The following PURG variants were observed in gnomAD, a reference collection of about 807,000 sequenced individuals.
The protein encoded by PURG is purine-rich element-binding protein gamma.
In PURG, 3 loss-of-function variants were observed where a neutral mutation model predicts 24.3. The ratio of observed to expected loss-of-function variants is 0.12; its 90% CI spans 0.06 to 0.32. PURG has a LOEUF of 0.32. PURG is among the 10% of genes least tolerant of loss of function. The pLI is 1.00. For synonymous variants in PURG, 180 were observed against 173.1 expected, an observed-to-expected ratio of 1.04 and a Z score of -0.31; for missense variants, 371 against 439.1, an observed-to-expected ratio of 0.84 and a Z score of 1.39.
chr8:31,008,130 T>C (rs1383320784), intron 1 of PURG, among the ~76,000 whole-genome samples: 2 of 152,204 alleles, frequency 1.3e-5, no homozygotes, highest in Non-Finnish European at 2.9e-5. Flanking sequence ...CACCTAAAGG[T>C]TCCTATGGTA....
chr8:31,006,836 C>A (rs1810662210), intron 1 of PURG, among the ~76,000 whole-genome samples: 1 of 152,144 alleles, frequency 6.6e-6, no homozygotes, highest in South Asian at 2.1e-4. Flanking sequence ...CCATTTCTTA[C>A]CTCACACAGT....
intron 1 of PURG, among the ~76,000 whole-genome samples, chr8:30,997,530 T>A (rs1453023564): frequency 1.3e-5 from 2 of 151,750 alleles, no homozygotes; most frequent in African/African-American, 4.8e-5. Context: ...ATGATCAGAC[T>A]GTCTATGAAA....
intron 1 of PURG, among the ~76,000 whole-genome samples, chr8:31,013,546 G>A (rs962366560): frequency 1.1e-4 from 16 of 152,064 alleles, no homozygotes; most frequent in Admixed American, 2.0e-4. Context: ...AGACTAGCCC[G>A]GCCAACATGG....
chr8:31,027,022 T>C (rs79798786), downstream of PURG, among the ~76,000 whole-genome samples: 1,781 of 151,790 alleles, frequency 0.012, 36 homozygotes, highest in African/African-American at 0.041. Flanking sequence ...AAAACACATT[T>C]TCCCTGAACT....
chr8:30,996,384 C>A, exon 2 of PURG: 1 of 377,882 alleles, frequency 2.6e-6, no homozygotes, highest in Non-Finnish European at 4.8e-6. Context: ...AAACAAAACC[C>A]AAAAACTGGA....
chr8:31,012,861 ATAG>A (rs534240518), intron 1 of PURG, among the ~76,000 whole-genome samples: 17 of 152,378 alleles, frequency 1.1e-4, no homozygotes, highest in Admixed American at 1.1e-3. Context: ...AATGATTGAA[ATAG>A]TAGTCCAAAT....
At chr8:31,022,761 C>T (rs1057492428) in intron 1 of PURG, among the ~76,000 whole-genome samples, 6 of 152,180 alleles carry the variant, frequency 3.9e-5, no homozygotes, top group African/African-American at 1.4e-4. Flanking sequence ...AGATTTTGTT[C>T]TATTGACATT....
chr8:31,013,700 G>C (rs1323749959), intron 1 of PURG, among the ~76,000 whole-genome samples: 1 of 152,202 alleles, frequency 6.6e-6, no homozygotes, highest in Non-Finnish European at 1.5e-5. Context: ...TCGCGCCACT[G>C]CACTCCAGCC....
chr8:31,021,839 A>T (rs544134719), intron 1 of PURG, among the ~76,000 whole-genome samples: 1 of 152,308 alleles, frequency 6.6e-6, no homozygotes, highest in South Asian at 2.1e-4. Flanking sequence ...AGCTATGTCT[A>T]GTATACAGTG....
At chr8:31,001,596 A>C (rs1377950614) in intron 1 of PURG, among the ~76,000 whole-genome samples, 3 of 152,196 alleles carry the variant, frequency 2.0e-5, no homozygotes, top group Non-Finnish European at 4.4e-5. Context: ...ATCCAGACCC[A>C]GAGAAATGGT....
chr8:31,011,176 T>C (rs1810757023), intron 1 of PURG, among the ~76,000 whole-genome samples: 1 of 152,180 alleles, frequency 6.6e-6, no homozygotes, highest in South Asian at 2.1e-4. Context: ...GAAATAAAAT[T>C]AGTGATGATG....
chr8:31,032,209 G>A lies in PURG; in HGVS notation c.574C>T (p.Arg192Trp). 6.2e-7 allele frequency: 1 copy of A among 1,614,164 alleles called. No individual in the cohort carries two copies. The highest frequency in any genetic ancestry group is 8.5e-7 in the Non-Finnish European group (1 of 1,180,022). The change falls in exon 2 of 2, where the codon CGG becomes TGG. Residue 192 changes from arginine (R) to tryptophan (W), a missense_variant. By Grantham distance (101) the Arg-to-Trp change is moderately radical (BLOSUM62 -3). Around this residue, in one of 5 missense-constraint regions of PURG, gnomAD observed 9 missense variants for 27.0 expected, o/e 0.33. Transcript: ENST00000523392. The surrounding 1 kb of genome is among the most constrained non-coding windows in gnomAD (Gnocchi z 5.9). ...KYYLDLKENQ[R>W]GRFLRIRQTM... is the part of the protein sequence containing the mutation. ...TGTCTAATCCGTAGGAAGCGACCCC[G>A]CTGATTTTCCTTTAGGTCTAGGTAA...
At chr8:30,999,926 A>G (rs945125165) in intron 1 of PURG, among the ~76,000 whole-genome samples, 9 of 151,970 alleles carry the variant, frequency 5.9e-5, no homozygotes, top group African/African-American at 2.2e-4. Context: ...GGCGAATTTT[A>G]GTAATACTCT....
Position 31,016,581 on chromosome 8 carries a change from C to CAAAAAAAAAAAAAAAAAAA in PURG, c.864+15319_864+15337dup, listed in dbSNP as rs11433207. On this transcript the variant is annotated intron_variant, in intron 1 of 1. Coordinates refer to the PURG transcript ENST00000339382. ...GAAAGAATGCAAGTCTACCAAGAAC[C>CAAAAAAAAAAAAAAAAAAA]AAAAAAAAAAAAAAAAAAAAAAAAA... is the stretch of plus-strand genomic sequence containing the variant. 1.1e-3 allele frequency among the ~76,000 whole-genome samples: 62 copies of CAAAAAAAAAAAAAAAAAAA among 57,518 alleles called. 5 individuals are homozygous for CAAAAAAAAAAAAAAAAAAA. Among genetic ancestry groups the CAAAAAAAAAAAAAAAAAAA allele is most frequent in the African/African-American group, 1.1e-3 (15 of 13,788 alleles). The allele number at this position is 57,518 out of a possible 152,430, so 37.7% of individuals were successfully genotyped here.
intron 1 of PURG, among the ~76,000 whole-genome samples, chr8:31,021,959 A>G (rs1172331890): frequency 6.6e-6 from 1 of 150,616 alleles, no homozygotes; most frequent in East Asian, 1.9e-4. Flanking sequence ...TAGGGACCAA[A>G]TTCATTTCTT....
chr8:31,021,666 T>G (rs1346125909), intron 1 of PURG, among the ~76,000 whole-genome samples: 1 of 152,156 alleles, frequency 6.6e-6, no homozygotes, highest in Admixed American at 6.6e-5. Context: ...GAAAGGCAGT[T>G]TGGCCTAACT....
rs11433207 is a variant in PURG at position 31,016,581 on chromosome 8, C to CAAAAAAAAAAAAAAAAA, written c.864+15321_864+15337dup. The stretch of plus-strand genomic sequence containing the variant: ...GAAAGAATGCAAGTCTACCAAGAAC[C>CAAAAAAAAAAAAAAAAA]AAAAAAAAAAAAAAAAAAAAAAAAA... On this transcript the variant is annotated intron_variant, in intron 1 of 1. Transcript: ENST00000339382. 3.8e-3 allele frequency among the ~76,000 whole-genome samples: 216 copies of CAAAAAAAAAAAAAAAAA among 57,494 alleles called. 16 individuals are homozygous for CAAAAAAAAAAAAAAAAA. The highest frequency in any genetic ancestry group is 0.043 in the Middle Eastern group (2 of 46). The allele number at this position is 57,494 out of a possible 152,430, so 37.7% of individuals were successfully genotyped here. A position where few individuals can be genotyped will look rare whatever the true frequency, so the allele number is the denominator to read the frequency against.
chr8:31,002,934 T>C (rs1810567280), intron 1 of PURG, among the ~76,000 whole-genome samples: 1 of 152,296 alleles, frequency 6.6e-6, no homozygotes, highest in East Asian at 1.9e-4. Flanking sequence ...TAATGAACTG[T>C]TTAGAGACTT....
At position 31,032,264 on chromosome 8, in the gene PURG, T is replaced by C. The variant is rs1367248171; in HGVS notation, c.519A>G (p.Thr173=). The change falls in exon 2 of 2, where the codon ACA becomes ACG. Residue 173 remains threonine (T), a synonymous_variant. Coordinates refer to ENST00000523392, the MANE Select transcript of PURG (RefSeq NM_001323311.2). The surrounding 1 kb of genome is among the most constrained non-coding windows in gnomAD (Gnocchi z 5.9). ...TCCTATTGTCCCTCTCGATATAGTCTGTTTTCAGGACACTGTGAGGATGCT... is the reference window on the plus strand; with the variant it reads ...TCCTATTGTCCCTCTCGATATAGTCCGTTTTCAGGACACTGTGAGGATGCT... ...SEEHPHSVLK[T]DYIERDNRKY... is the part of the protein sequence containing the mutation. 1.9e-6 allele frequency: 3 copies of C among 1,613,950 alleles called. No individual in the cohort carries two copies. The highest frequency in any genetic ancestry group is 1.1e-5 in the South Asian group (1 of 91,088).
Sources: allele counts gnomAD v4.1 joint callset (sites outside exome capture counted in the v4.1 genomes callset), GRCh38; gene constraint gnomAD v4.1.1; regional missense constraint gnomAD v4.1.1; non-coding constraint Gnocchi (gnomAD v3.1); transcripts MANE v1.5; gene names NCBI Gene and HGNC (gene_info 2026-07-23, HGNC 2026-07-21).